Variants in CHRNG observed in about 807,000 individuals in gnomAD.
CHRNG encodes the protein acetylcholine receptor subunit gamma.
Under a neutral mutation model 65.2 loss-of-function variants are expected in CHRNG, and 72 were observed. That is an observed-to-expected ratio of 1.10 (90% CI 0.91 to 1.34). The LOEUF (loss-of-function observed/expected upper bound fraction) is 1.34, where lower values mean the gene tolerates loss of function less well. Among genes scored for constraint, CHRNG ranks in the 40% most tolerant of loss-of-function variants. The pLI, the probability that CHRNG is intolerant of heterozygous loss-of-function variation, is 0.00. For missense variants in CHRNG, 637 were observed against 680.1 expected (o/e 0.94, Z 0.70); for synonymous variants, 284 against 290.2 (o/e 0.98, Z 0.22).
At position 232,542,466 on chromosome 2, in the gene CHRNG, C is replaced by T. The variant is rs778912321; in HGVS notation, c.550C>T (p.Gln184Ter). 1 of 1,614,052 alleles carries T rather than the reference C, an allele frequency of 6.2e-7. No individual in the cohort carries two copies. Among genetic ancestry groups the T allele is most frequent in the South Asian group, 1.1e-5 (1 of 91,062 alleles). ...CAATGAGATTGATCTGCAGCTGAGT[C>T]AGGAAGATGGCCAGACCATCGAGTG... is the stretch of plus-strand genomic sequence containing the variant. ...STNEIDLQLS[Q>*]EDGQTIEWIF... Residue 184 changes from glutamine (Q) to a stop codon, truncating the protein, a stop_gained, in exon 6 of 12, where the codon CAG becomes TAG. Transcript: ENST00000651502. LOFTEE classifies it high-confidence loss of function.
chr2:232,541,466 C>G lies in CHRNG; in HGVS notation c.443C>G (p.Ser148Cys), dbSNP rs758114725. ...IYWLPPAIFR[S>C]ACSISVTYFP... ...TGGCTGCCGCCTGCCATCTTCCGTTCCGCCTGCTCTATCTCAGTCACCTAC... is the reference window on the plus strand; with the variant it reads ...TGGCTGCCGCCTGCCATCTTCCGTTGCGCCTGCTCTATCTCAGTCACCTAC... Residue 148 changes from serine (S) to cysteine (C), a missense_variant, in exon 5 of 12, where the codon TCC (serine) becomes TGC (cysteine). Transcript: ENST00000651502. This position sits in a 1 kb window ranked among gnomAD's most constrained non-coding sequence, Gnocchi z 4.0. The G allele has an allele frequency of 1.2e-6, 2 of 1,614,152 alleles. No individual in the cohort carries two copies. The highest frequency in any genetic ancestry group is 2.7e-5 in the African/African-American group (2 of 75,050).
rs1692014431 is a variant in CHRNG at position 232,541,425 on chromosome 2, T to G, written c.402T>G (p.Pro134=). Residue 134 remains proline, a synonymous_variant, in exon 5 of 12, where the codon CCT becomes CCG. Transcript: ENST00000651502. The surrounding 1 kb of genome is among the most constrained non-coding windows in gnomAD (Gnocchi z 4.0). ...VALYCNVLVS[P]DGCIYWLPPA... ...TCTACTGCAATGTGCTCGTGTCCCC[T>G]GACGGCTGTATCTACTGGCTGCCGC... 6.2e-7 allele frequency: 1 copy of G among 1,613,720 alleles called. No individual in the cohort carries two copies. Among genetic ancestry groups the G allele is most frequent in the African/African-American group, 1.3e-5 (1 of 74,898 alleles).
intron 5 of CHRNG, among the ~76,000 whole-genome samples, chr2:232,542,102 C>T (rs1240028986): frequency 6.6e-6 from 1 of 152,108 alleles, no homozygotes; most frequent in East Asian, 1.9e-4. Flanking sequence ...CTGAGGTAGG[C>T]ATGTGTTTTC....
At position 232,544,818 on chromosome 2, in the gene CHRNG, G is replaced by A. The variant is rs1286284240; in HGVS notation, c.1296G>A (p.Lys432=). 6.2e-7 allele frequency: 1 copy of A among 1,613,422 alleles called. No homozygotes were observed. Among genetic ancestry groups the A allele is most frequent in the East Asian group, 2.2e-5 (1 of 44,868 alleles). ...LGLSQFCGSL[K]QAAPAIQACV... ...TGAGCCAGTTCTGTGGCAGCCTGAA[G>A]CAGGCTGCCCCAGCCATCCAGGCCT... The change falls in exon 11 of 12, where the codon AAG becomes AAA. Residue 432 remains lysine (K), a synonymous_variant. Coordinates refer to ENST00000651502, the MANE Select transcript of CHRNG (RefSeq NM_005199.5).
intron 9 of CHRNG, 60 bp downstream of exon 9, chr2:232,543,759 C>T (rs542961885): frequency 4.9e-6 from 5 of 1,017,428 alleles, no homozygotes; most frequent in East Asian, 2.4e-5. Flanking sequence ...GCCTCCCTCT[C>T]GCACGCCCCG....
chr2:232,544,780 C>T lies in CHRNG; in HGVS notation c.1258C>T (p.Pro420Ser). Residue 420 changes from proline (P) to serine (S), a missense_variant, in exon 11 of 12, where the codon CCG (proline) becomes TCG (serine). Transcript: ENST00000651502. ...AAALEKLEKG[P>S]ELGLSQFCGS... ...CCCTTTCTCTTTATCAGAGAAAGGC[C>T]CGGAGTTAGGGCTGAGCCAGTTCTG... 1 of 1,613,984 alleles carries T rather than the reference C, an allele frequency of 6.2e-7. No homozygotes were observed. Among genetic ancestry groups the T allele is most frequent in the African/African-American group, 1.3e-5 (1 of 75,024 alleles).
chr2:232,544,993 G>GCATC, intron 11 of CHRNG, 91 bp downstream of exon 11: 1 of 1,540,152 alleles, frequency 6.5e-7, no homozygotes, highest in Non-Finnish European at 8.9e-7. Context: ...CCAAGATAGG[G>GCATC]CAGTGGGATG....
chr2:232,544,818 G>C lies in CHRNG; in HGVS notation c.1296G>C (p.Lys432Asn). ...TGAGCCAGTTCTGTGGCAGCCTGAA[G>C]CAGGCTGCCCCAGCCATCCAGGCCT... ...LGLSQFCGSLKQAAPAIQACV... is the reference protein window; with the variant it reads ...LGLSQFCGSLNQAAPAIQACV... The change falls in exon 11 of 12, where the codon AAG becomes AAC. Residue 432 changes from lysine to asparagine, a missense_variant. By Grantham distance (94) the Lys-to-Asn change is moderately conservative. Coordinates refer to ENST00000651502, the MANE Select transcript of CHRNG (RefSeq NM_005199.5). 6.2e-7 allele frequency: 1 copy of C among 1,613,422 alleles called. No homozygotes were observed. Among genetic ancestry groups the C allele is most frequent in the Non-Finnish European group, 8.5e-7 (1 of 1,179,618 alleles).
Position 232,540,380 on chromosome 2 carries a change from G to T in CHRNG, c.196-1G>T. ...TCCATACTACACCCTTGCACCCCCA[G>T]AACGAGCGAGAGGAAGCCCTCACCA... On this transcript the variant is annotated splice_acceptor_variant, in intron 2 of 11. Transcript: ENST00000651502. LOFTEE classifies it high-confidence loss of function. The surrounding 1 kb of genome is among the most constrained non-coding windows in gnomAD (Gnocchi z 4.2). 6.2e-7 allele frequency: 1 copy of T among 1,614,086 alleles called. No individual in the cohort carries two copies. The highest frequency in any genetic ancestry group is 8.5e-7 in the Non-Finnish European group (1 of 1,179,980).
Position 232,540,492 on chromosome 2 carries a change from G to C in CHRNG, c.240+67G>C, listed in dbSNP as rs2106220095. 1 of 1,605,256 alleles carries C rather than the reference G, an allele frequency of 6.2e-7. No homozygotes were observed. Among genetic ancestry groups the C allele is most frequent in the Non-Finnish European group, 8.5e-7 (1 of 1,175,664 alleles). On this transcript the variant is annotated intron_variant, in intron 3 of 11. Transcript: ENST00000651502. This position sits in a 1 kb window ranked among gnomAD's most constrained non-coding sequence, Gnocchi z 4.2. ...ACCCCACCACCCCAAGGCCTCCTGA[G>C]AGTTGCCTGCCCCGTTCCTGCCTCT...
chr2:232,542,085 G>A (rs1692027925), intron 5 of CHRNG, among the ~76,000 whole-genome samples: 1 of 152,132 alleles, frequency 6.6e-6, no homozygotes, highest in Non-Finnish European at 1.5e-5. Flanking sequence ...TAGACACGGG[G>A]GTCCTCCTGA....
intron 11 of CHRNG, 39 bp downstream of exon 11, chr2:232,544,941 C>G: frequency 6.2e-7 from 1 of 1,612,888 alleles, no homozygotes; most frequent in South Asian, 1.1e-5. Flanking sequence ...GGAGTGAGTA[C>G]CTGGGCTTGG....
intron 9 of CHRNG, 49 bp downstream of exon 9, chr2:232,543,748 C>G (rs73995686): frequency 1.7e-6 from 2 of 1,144,878 alleles, no homozygotes; most frequent in East Asian, 2.4e-5. Flanking sequence ...CACTCCCCTA[C>G]GCCTCCCTCT....
chr2:232,545,278 C>G (rs1216598850), intron 11 of CHRNG, among the ~76,000 whole-genome samples: 1 of 150,116 alleles, frequency 6.7e-6, no homozygotes, highest in African/African-American at 2.5e-5. Flanking sequence ...CACCACTGCA[C>G]TCTGGCCTGG....
At chr2:232,543,202 TTCTGGGG>T in intron 7 of CHRNG, 66 bp from the exon 8 acceptor site, 1 of 1,526,856 alleles carries the variant, frequency 6.5e-7, no homozygotes, top group Non-Finnish European at 9.1e-7. Context: ...AGCGGGCTAC[TTCTGGGG>T]TAAGGGGTTC....
Position 232,548,014 on chromosome 2 carries a change from A to G in CHRNG, c.*2298A>G. On this transcript the variant is annotated 3_prime_UTR_variant, in exon 12 of 12. Coordinates refer to ENST00000651502, the MANE Select transcript of CHRNG (RefSeq NM_005199.5). The stretch of plus-strand genomic sequence containing the variant: ...CATATAAAAGTTATGTTTACACTAT[A>G]CTGTAGACCAGCAAGAGTGCAATAG... The G allele has an allele frequency of 1.9e-6, 1 of 533,330 alleles. No homozygotes were observed. The allele number at this position is 533,330 out of a possible 1,614,324, so 33.0% of individuals were successfully genotyped here.
rs1394354353 is a variant in CHRNG, at chr2:232,542,895, G to A, written c.618G>A (p.Trp206Ter). ...GCCTGCCCGCAGAGAATGGGGAGTG[G>A]GCCATCCAGCACCGACCAGCCAAGA... ...DPEAFTENGE[W>*]AIQHRPAKML... Residue 206 changes from tryptophan to a stop codon, truncating the protein, a stop_gained, in exon 7 of 12, where the codon TGG (tryptophan) becomes TGA (stop). Coordinates refer to ENST00000651502, the MANE Select transcript of CHRNG (RefSeq NM_005199.5). LOFTEE classifies it high-confidence loss of function. 2 of 1,613,618 alleles carry A rather than the reference G, an allele frequency of 1.2e-6. No individual in the cohort carries two copies. The highest frequency in any genetic ancestry group is 1.7e-5 in the Admixed American group (1 of 60,026).
Position 232,544,814 on chromosome 2 carries a change from TGAAGCAGGCTGCCCC to T in CHRNG, c.1293_1307del (p.Lys432_Pro436del), listed in dbSNP as rs1351073604. Reference sequence around the variant, plus strand: ...GGGCTGAGCCAGTTCTGTGGCAGCCTGAAGCAGGCTGCCCCAGCCATCCAGGCCTGTGTGGAAGCC... The same window carrying T: ...GGGCTGAGCCAGTTCTGTGGCAGCCTAGCCATCCAGGCCTGTGTGGAAGCC... On this transcript the variant is annotated inframe_deletion, in exon 11 of 12. Coordinates refer to ENST00000651502, the MANE Select transcript of CHRNG (RefSeq NM_005199.5). The T allele has an allele frequency of 1.9e-6, 3 of 1,613,772 alleles. No individual in the cohort carries two copies. Among genetic ancestry groups the T allele is most frequent in the Non-Finnish European group, 2.5e-6 (3 of 1,179,944 alleles).
rs1451663113 is a variant in CHRNG, at chr2:232,543,485, C to CCCA, written c.920+98_921-97insACC. ...TGCCCTCTTGCCCTCCATCCACCCC[C>CCCA]CCCATCCTCAATTCAGGAGGCCTGA... On this transcript the variant is annotated intron_variant, in intron 8 of 11. Transcript: ENST00000651502. 4.4e-5 allele frequency: 52 copies of CCCA among 1,183,120 alleles called. No homozygotes were observed. In the Admixed American group the frequency reaches 5.0e-4, roughly 11 times the overall value. 73.3% of individuals were successfully genotyped at this position (1,183,120 alleles called of 1,614,324 possible). A position where few individuals can be genotyped will look rare whatever the true frequency, so the allele number is the denominator to read the frequency against.
Sources: allele counts gnomAD v4.1 joint callset (sites outside exome capture counted in the v4.1 genomes callset), GRCh38; gene constraint gnomAD v4.1.1; non-coding constraint Gnocchi (gnomAD v3.1); transcripts MANE v1.5; gene names NCBI Gene and HGNC (gene_info 2026-07-23, HGNC 2026-07-21).